Variants in CARNS1 observed in about 807,000 individuals in gnomAD.
CARNS1 encodes the protein carnosine synthase 1, also known as ATP-grasp domain containing 1.
Under a neutral mutation model 74.0 loss-of-function variants are expected in CARNS1, and 61 were observed. The observed-to-expected ratio is 0.82, with a 90% CI of 0.67 to 1.02. CARNS1 has a LOEUF of 1.02. CARNS1 is among the 50% of genes least tolerant of loss of function. The pLI is 0.00. For missense variants in CARNS1, 1,278 were observed against 1,308.4 expected (o/e 0.98, Z 0.36); for synonymous variants, 568 against 605.5 (o/e 0.94, Z 0.91).
intron 7 of CARNS1, 61 bp from the exon 8 acceptor site, chr11:67,420,547 GT>G: frequency 9.2e-7 from 1 of 1,081,162 alleles, no homozygotes; most frequent in Non-Finnish European, 1.2e-6. Flanking sequence ...GCACAAGGCG[GT>G]GGGGGTGTGC....
In CARNS1 at chr11:67,419,768, GC is replaced by G. The variant is rs1395797602; in HGVS notation, c.1047del (p.Gly350AlafsTer20). On this transcript the variant is annotated frameshift_variant, in exon 7 of 10. Coordinates refer to ENST00000687366, the MANE Select transcript of CARNS1 (RefSeq NM_001166222.2). LOFTEE classifies it high-confidence loss of function. ...QLPCSDGPSP[G>X]PGLAVRICAV... The stretch of plus-strand genomic sequence containing the variant: ...CTTCCCCCAGATGGTCCTTCACCCG[GC>G]CCCGGCCTGGCCGTGCGAATCTGTG... 2 of 1,603,880 alleles carry G rather than the reference GC, an allele frequency of 1.2e-6. No individual in the cohort carries two copies. The highest frequency in any genetic ancestry group is 2.3e-5 in the East Asian group (1 of 44,002).
In CARNS1 at chr11:67,424,891, A is replaced by ACG. The variant is rs371360246; in HGVS notation, c.*291_*292insGC. The ACG allele has an allele frequency of 5.0e-6, 3 of 599,112 alleles. No homozygotes were observed. The Admixed American group carries it at 6.5e-5, about 13-fold the overall frequency. The allele number at this position is 599,112 out of a possible 1,614,324, so 37.1% of individuals were successfully genotyped here. On this transcript the variant is annotated 3_prime_UTR_variant, in exon 10 of 10. Transcript: ENST00000687366. ...CACACACACACACACACACACACAC[A>ACG]CCTCTGACGCCAGCTCCCCAGGTGG...
In CARNS1 at chr11:67,424,539, C is replaced by G. The variant is rs763493330; in HGVS notation, c.2791C>G (p.Gln931Glu). The G allele has an allele frequency of 1.2e-6, 2 of 1,602,974 alleles. No individual in the cohort carries two copies. Among genetic ancestry groups the G allele is most frequent in the Admixed American group, 3.4e-5 (2 of 58,768 alleles). Residue 931 changes from glutamine to glutamate, a missense_variant, in exon 10 of 10, where the codon CAG (glutamine) becomes GAG (glutamate). Around this residue, in one of 3 missense-constraint regions of CARNS1, gnomAD observed 1,164 missense variants for 1,156.5 expected, o/e 1.01. Coordinates refer to ENST00000687366, the MANE Select transcript of CARNS1 (RefSeq NM_001166222.2). ...CCGTCTCCGCCTGCTGGGCCTCTGC[C>G]AGGGCCTGGGCATCGATGGGCCCAG... is the stretch of plus-strand genomic sequence containing the variant. ...EARLRLLGLC[Q>E]GLGIDGPSYP...
intron 3 of CARNS1, 86 bp from the exon 4 acceptor site, chr11:67,418,345 G>A (rs1863601510): frequency 1.0e-6 from 1 of 977,542 alleles, no homozygotes; most frequent in Non-Finnish European, 1.4e-6. Flanking sequence ...GCTCAGGGTG[G>A]GGCCGTGGGT....
At position 67,421,016 on chromosome 11, in the gene CARNS1, G is replaced by C. The variant is rs1863682049; in HGVS notation, c.1423G>C (p.Glu475Gln). The C allele has an allele frequency of 7.2e-7, 1 of 1,382,786 alleles. No individual in the cohort carries two copies. The highest frequency in any genetic ancestry group is 1.6e-5 in the South Asian group (1 of 62,682). The allele number at this position is 1,382,786 out of a possible 1,614,324, so 85.7% of individuals were successfully genotyped here. Residue 475 changes from glutamate to glutamine, a missense_variant, in exon 9 of 10, where the codon GAG becomes CAG. Coordinates refer to ENST00000687366, the MANE Select transcript of CARNS1 (RefSeq NM_001166222.2). ...ALELNGGLCL[E>Q]ACGALEGLWA... ...GGAGCTGAACGGCGGCCTGTGTCTG[G>C]AGGCGTGCGGCGCGCTGGAGGGGCT...
At chr11:67,416,471 GGATTCGA>G (rs1253975272) in intron 2 of CARNS1, 9 of 1,319,418 alleles carry the variant, frequency 6.8e-6, no homozygotes, top group Non-Finnish European at 7.8e-6. Flanking sequence ...TGGCAAACTG[GGATTCGA>G]GCCCAGGCAT....
At chr11:67,421,493 C>T (rs975208927) in intron 9 of CARNS1, among the ~76,000 whole-genome samples, 1 of 152,084 alleles carries the variant, frequency 6.6e-6, no homozygotes, top group Admixed American at 6.5e-5. Context: ...GAGAGGAGCC[C>T]GGGTAGATGG....
In CARNS1 at chr11:67,420,950, G is replaced by T; in HGVS notation, c.1357G>T (p.Ala453Ser). The T allele has an allele frequency of 7.0e-7, 1 of 1,419,742 alleles. No individual in the cohort carries two copies. The highest frequency in any genetic ancestry group is 9.2e-7 in the Non-Finnish European group (1 of 1,088,824). The allele number at this position is 1,419,742 out of a possible 1,614,324, so 87.9% of individuals were successfully genotyped here. ...AHTDFLGVDF[A>S]LTAAGGVLTP... ...CCCGCCCGGCGCAGGCGTGGATTTC[G>T]CGCTGACAGCGGCCGGCGGCGTGCT... Residue 453 changes from alanine (A) to serine (S), a missense_variant, in exon 9 of 10, where the codon GCG (alanine) becomes TCG (serine). Around this residue, in one of 3 missense-constraint regions of CARNS1, gnomAD observed 1,164 missense variants for 1,156.5 expected, o/e 1.01. Coordinates refer to ENST00000687366, the MANE Select transcript of CARNS1 (RefSeq NM_001166222.2).
At position 67,424,821 on chromosome 11, in the gene CARNS1, C is replaced by T. The variant is rs539250189; in HGVS notation, c.*220C>T. 3.3e-5 allele frequency: 21 copies of T among 632,080 alleles called. No individual in the cohort carries two copies. The African/African-American group carries it at 3.5e-4, about 10-fold the overall frequency. 39.2% of individuals were successfully genotyped at this position (632,080 alleles called of 1,614,324 possible). A position where few individuals can be genotyped will look rare whatever the true frequency, so the allele number is the denominator to read the frequency against. Reference sequence around the variant, plus strand: ...CTCCCGAAGGCCCCAGTCCAGCCTACAGCTTCCCCAGCATTCTAGCCTTGG... The same window carrying T: ...CTCCCGAAGGCCCCAGTCCAGCCTATAGCTTCCCCAGCATTCTAGCCTTGG... On this transcript the variant is annotated 3_prime_UTR_variant, in exon 10 of 10. Coordinates refer to ENST00000687366, the MANE Select transcript of CARNS1 (RefSeq NM_001166222.2).
intron 7 of CARNS1, 48 bp downstream of exon 7, chr11:67,419,886 G>C (rs886639722): frequency 5.8e-6 from 9 of 1,539,286 alleles, no homozygotes; most frequent in Non-Finnish European, 7.9e-6. Context: ...CCACACGCCA[G>C]CCCAGTCCCA....
chr11:67,418,978 T>A lies in CARNS1; in HGVS notation c.587T>A (p.Leu196Gln). The change falls in exon 5 of 10, where the codon CTG becomes CAG. Residue 196 changes from leucine to glutamine, a missense_variant. By Grantham distance (113) the Leu-to-Gln change is moderately radical (BLOSUM62 -2). Coordinates refer to ENST00000687366, the MANE Select transcript of CARNS1 (RefSeq NM_001166222.2). ...GAGGCAGCAGAACTCGCCCGTGACC[T>A]GACCTGCCCCACAGGAGCTTCGGCT... ...GREAAELARD[L>Q]TCPTGASAEL... 1 of 1,566,240 alleles carries A rather than the reference T, an allele frequency of 6.4e-7. No individual in the cohort carries two copies. Among genetic ancestry groups the A allele is most frequent in the Non-Finnish European group, 8.6e-7 (1 of 1,156,150 alleles).
chr11:67,421,293 C>A, intron 9 of CARNS1, 74 bp downstream of exon 9: 1 of 1,357,092 alleles, frequency 7.4e-7, no homozygotes, highest in South Asian at 1.7e-5. Flanking sequence ...CGGGGCGGGG[C>A]CTGGAGCAAA....
chr11:67,421,114 G>GCGGT lies in CARNS1; in HGVS notation c.1525_1528dup (p.Ala510ValfsTer57), dbSNP rs1213302529. The GCGGT allele has an allele frequency of 6.9e-7, 1 of 1,459,194 alleles. No homozygotes were observed. Among genetic ancestry groups the GCGGT allele is most frequent in the Non-Finnish European group, 9.0e-7 (1 of 1,112,780 alleles). 90.4% of individuals were successfully genotyped at this position (1,459,194 alleles called of 1,614,324 possible). On this transcript the variant is annotated frameshift_variant, in exon 9 of 10. Coordinates refer to ENST00000687366, the MANE Select transcript of CARNS1 (RefSeq NM_001166222.2). LOFTEE classifies it high-confidence loss of function. ...CGCCGCTGGTGGAGACCATGCTTCG[G>GCGGT]CGGTCGGCGCGCTGCCTCATGGAGG...
chr11:67,424,619 A>G lies in CARNS1; in HGVS notation c.*18A>G. ...TCAAATAGCACTGGGGTCAGGGGGC[A>G]GGGAAGCAGTGCTGGGTGGAGGCAC... On this transcript the variant is annotated 3_prime_UTR_variant, in exon 10 of 10. Coordinates refer to ENST00000687366, the MANE Select transcript of CARNS1 (RefSeq NM_001166222.2). 6.3e-7 allele frequency: 1 copy of G among 1,590,384 alleles called. No individual in the cohort carries two copies. The highest frequency in any genetic ancestry group is 8.6e-7 in the Non-Finnish European group (1 of 1,168,454).
chr11:67,422,331 G>C (rs1020779219), intron 9 of CARNS1, among the ~76,000 whole-genome samples: 2 of 151,216 alleles, frequency 1.3e-5, no homozygotes, highest in African/African-American at 4.9e-5. Context: ...TTACAGGCAC[G>C]CACCAACATG....
At chr11:67,415,975 G>A (rs1337889188) in intron 1 of CARNS1, 8 of 553,988 alleles carry the variant, frequency 1.4e-5, no homozygotes, top group Middle Eastern at 4.6e-4. Flanking sequence ...CCTGTGAGCC[G>A]CACTGGGGCA....
At chr11:67,416,461 T>C in intron 2 of CARNS1, 1 of 1,327,778 alleles carries the variant, frequency 7.5e-7, no homozygotes, top group South Asian at 1.7e-5. Context: ...GCTCTGGCCC[T>C]GGCAAACTGG....
chr11:67,424,727 C>A lies in CARNS1; in HGVS notation c.*126C>A. 8.9e-7 allele frequency: 1 copy of A among 1,121,338 alleles called. No homozygotes were observed. The highest frequency in any genetic ancestry group is 1.2e-6 in the Non-Finnish European group (1 of 808,216). 69.5% of individuals were successfully genotyped at this position (1,121,338 alleles called of 1,614,324 possible). A position where few individuals can be genotyped will look rare whatever the true frequency, so the allele number is the denominator to read the frequency against. Reference sequence around the variant, plus strand: ...AGCCCCAGCCTGGCCCGCTGCAATGCCTAGGTCTGTTCCAGAGCAGCAGGG... The same window carrying A: ...AGCCCCAGCCTGGCCCGCTGCAATGACTAGGTCTGTTCCAGAGCAGCAGGG... On this transcript the variant is annotated 3_prime_UTR_variant, in exon 10 of 10. Coordinates refer to ENST00000687366, the MANE Select transcript of CARNS1 (RefSeq NM_001166222.2).
chr11:67,416,366 G>A, intron 2 of CARNS1, 164 bp downstream of exon 2: 1 of 1,456,996 alleles, frequency 6.9e-7, no homozygotes, highest in Non-Finnish European at 9.0e-7. Flanking sequence ...GCTGCATCCT[G>A]GGAGGTGGGC....
Sources: gnomAD v4.1 joint callset for allele counts (sites outside exome capture counted in the v4.1 genomes callset) on GRCh38, gnomAD v4.1.1 for gene constraint, gnomAD v4.1.1 regional missense constraint, MANE v1.5 for transcripts, NCBI Gene and HGNC (gene_info 2026-07-23, HGNC 2026-07-21) for gene names.